Variants in AHSA1 observed in about 807,000 individuals in gnomAD.
AHSA1 encodes activator of HSP90 ATPase activity 1.
Under a neutral mutation model 46.1 loss-of-function variants are expected in AHSA1, and 14 were observed. The observed-to-expected ratio is 0.30, with a 90% CI of 0.20 to 0.47. The LOEUF (loss-of-function observed/expected upper bound fraction) is 0.47, where lower values mean the gene tolerates loss of function less well. AHSA1 is among the 20% of genes least tolerant of loss of function. The pLI, the probability that AHSA1 is intolerant of heterozygous loss-of-function variation, is 0.99. For missense variants in AHSA1, 333 were observed against 415.9 expected (o/e 0.80, Z 1.73); for synonymous variants, 147 against 145.8 (o/e 1.01, Z -0.06).
At chr14:77,458,541 A>G (rs996573170) in intron 1 of AHSA1, among the ~76,000 whole-genome samples, 1 of 152,246 alleles carries the variant, frequency 6.6e-6, no homozygotes, top group Admixed American at 6.5e-5. Context: ...TGGCTGCTGC[A>G]TCCAGCCCGA....
chr14:77,468,297 A>G, intron 7 of AHSA1, 113 bp downstream of exon 7: 2 of 1,118,758 alleles, frequency 1.8e-6, no homozygotes, highest in Non-Finnish European at 2.6e-6. Context: ...TTTGTTAATA[A>G]AACATTTTGT....
Position 77,459,676 on chromosome 14 carries a change from GC to G in AHSA1, c.142del (p.Gln48ArgfsTer11). On this transcript the variant is annotated frameshift_variant, in exon 2 of 9. Transcript: ENST00000216479. LOFTEE classifies it high-confidence loss of function. ...DKLKTLFLAV[Q>X]VQNEEGKCEV... The stretch of plus-strand genomic sequence containing the variant: ...AGCTGAAAACACTGTTCCTGGCAGT[GC>G]AGGTTCAAAATGAAGAAGGCAAGTG... 6.2e-7 allele frequency: 1 copy of G among 1,614,232 alleles called. No individual in the cohort carries two copies. The highest frequency in any genetic ancestry group is 8.5e-7 in the Non-Finnish European group (1 of 1,180,046).
intron 2 of AHSA1, among the ~76,000 whole-genome samples, chr14:77,461,808 T>C (rs1405306524): frequency 6.6e-6 from 1 of 152,196 alleles, no homozygotes; most frequent in Non-Finnish European, 1.5e-5. Context: ...ATAATCAAAT[T>C]GTTCCCTAAT....
intron 6 of AHSA1, 130 bp from the exon 7 acceptor site, chr14:77,467,953 C>T (rs555221457): frequency 2.3e-5 from 15 of 644,090 alleles, no homozygotes; most frequent in South Asian, 1.1e-4. Flanking sequence ...ACCCTGGACC[C>T]GCCTGTGGGG....
chr14:77,463,801 T>C (rs2079036535), intron 4 of AHSA1, among the ~76,000 whole-genome samples: 1 of 152,222 alleles, frequency 6.6e-6, no homozygotes, highest in African/African-American at 2.4e-5. Context: ...ATTCTGATCT[T>C]GGTGTTGGAA....
Position 77,459,619 on chromosome 14 carries a change from GGA to G in AHSA1, c.91_92del (p.Asp31CysfsTer8). 6.2e-7 allele frequency: 1 copy of G among 1,614,154 alleles called. No individual in the cohort carries two copies. The highest frequency in any genetic ancestry group is 8.5e-7 in the Non-Finnish European group (1 of 1,180,020). On this transcript the variant is annotated frameshift_variant, in exon 2 of 9. Coordinates refer to ENST00000216479, the MANE Select transcript of AHSA1 (RefSeq NM_012111.3). LOFTEE classifies it high-confidence loss of function. ...TAGCTCTGTTTCTGCTTTGCAGGAC[GGA>G]GAGAGATGCTTCAAATTGGTCCACG... ...ATNVNNWHWT[E>X]RDASNWSTDK... is the part of the protein sequence containing the mutation.
chr14:77,468,065 T>A lies in AHSA1; in HGVS notation c.691-18T>A. On this transcript the variant is annotated intron_variant, in intron 6 of 8. Transcript: ENST00000216479. ...ATCTTCTGCCTCTTTTTTTTTTTTTTTTTTTTTTTCCCTGCAGCTGGTGCA... is the reference window on the plus strand; with the variant it reads ...ATCTTCTGCCTCTTTTTTTTTTTTTATTTTTTTTTCCCTGCAGCTGGTGCA... 1 of 1,359,076 alleles carries A rather than the reference T, an allele frequency of 7.4e-7. No individual in the cohort carries two copies. The highest frequency in any genetic ancestry group is 9.6e-7 in the Non-Finnish European group (1 of 1,036,668). 84.2% of individuals were successfully genotyped at this position (1,359,076 alleles called of 1,614,324 possible).
At chr14:77,466,620 C>T (rs1299875186) in intron 6 of AHSA1, among the ~76,000 whole-genome samples, 6 of 152,204 alleles carry the variant, frequency 3.9e-5, no homozygotes, top group African/African-American at 9.7e-5. Flanking sequence ...AAAATACTCT[C>T]GTGATAAGTT....
At chr14:77,468,432 A>T in intron 7 of AHSA1, 25 bp from the exon 8 acceptor site, 1 of 1,604,656 alleles carries the variant, frequency 6.2e-7, no homozygotes, top group Non-Finnish European at 8.5e-7. Flanking sequence ...TATATAATAT[A>T]GACTGAGCTG....
In AHSA1 at chr14:77,465,639, A is replaced by C. The variant is rs769731333; in HGVS notation, c.662A>C (p.Glu221Ala). Residue 221 changes from glutamate (E) to alanine (A), a missense_variant, in exon 6 of 9, where the codon GAG becomes GCG. Coordinates refer to ENST00000216479, the MANE Select transcript of AHSA1 (RefSeq NM_012111.3). Reference protein sequence around the residue: ...LKETFLTSPEELYRVFTTQEL... With the variant: ...LKETFLTSPEALYRVFTTQEL... The stretch of plus-strand genomic sequence containing the variant: ...GAAACCTTCCTGACGTCACCAGAGG[A>C]GCTCTATAGAGTGTTTACCACCCAA... 1 of 1,613,706 alleles carries C rather than the reference A, an allele frequency of 6.2e-7. No individual in the cohort carries two copies. Among genetic ancestry groups the C allele is most frequent in the African/African-American group, 1.3e-5 (1 of 74,918 alleles).
chr14:77,460,396 T>G (rs2079016368), intron 2 of AHSA1, among the ~76,000 whole-genome samples: 1 of 149,924 alleles, frequency 6.7e-6, no homozygotes, highest in Non-Finnish European at 1.5e-5. Context: ...ACTGTCTGTG[T>G]ATGGGGCAAA....
At position 77,464,601 on chromosome 14, in the gene AHSA1, T is replaced by A. The variant is rs1485985112; in HGVS notation, c.476T>A (p.Phe159Tyr). The A allele has an allele frequency of 1.2e-6, 2 of 1,612,158 alleles. No individual in the cohort carries two copies. The highest frequency in any genetic ancestry group is 1.3e-5 in the African/African-American group (1 of 74,818). Residue 159 changes from phenylalanine (F) to tyrosine (Y), a missense_variant, in exon 5 of 9, where the codon TTC (phenylalanine) becomes TAC (tyrosine). Coordinates refer to ENST00000216479, the MANE Select transcript of AHSA1 (RefSeq NM_012111.3). The stretch of plus-strand genomic sequence containing the variant: ...AGCTGGAATTTTATCTTTTCAGAGT[T>A]CACCCAGGGCATGATCTTACCTACA... ...GIYISTLKTE[F>Y]TQGMILPTMN...
At chr14:77,461,686 T>C (rs898319460) in intron 2 of AHSA1, among the ~76,000 whole-genome samples, 2 of 152,110 alleles carry the variant, frequency 1.3e-5, no homozygotes, top group African/African-American at 4.8e-5. Flanking sequence ...GGCAGATAGG[T>C]GTTTGAGATG....
At chr14:77,463,969 T>G (rs17824298) in intron 4 of AHSA1, among the ~76,000 whole-genome samples, 8,670 of 152,372 alleles carry the variant, frequency 0.057, 432 homozygotes, top group Admixed American at 0.16. Context: ...CTGGGTAGAT[T>G]ACCCACTCTT....
intron 8 of AHSA1, 91 bp from the exon 9 acceptor site, chr14:77,468,986 G>A (rs2079061701): frequency 2.1e-6 from 3 of 1,461,438 alleles, no homozygotes; most frequent in Non-Finnish European, 2.8e-6. Flanking sequence ...GGGATTACAG[G>A]TGTGAGCCAC....
Position 77,468,071 on chromosome 14 carries a change from TTTTC to T in AHSA1, c.691-11_691-8del. On this transcript the variant is annotated splice_region_variant and splice_polypyrimidine_tract_variant and intron_variant, in intron 6 of 8. Coordinates refer to ENST00000216479, the MANE Select transcript of AHSA1 (RefSeq NM_012111.3). ...TGCCTCTTTTTTTTTTTTTTTTTTT[TTTTC>T]CCTGCAGCTGGTGCAGGCCTTTACC... The T allele has an allele frequency of 2.8e-6, 4 of 1,403,536 alleles. No homozygotes were observed. The highest frequency in any genetic ancestry group is 2.9e-5 in the Admixed American group (1 of 34,018). The allele number at this position is 1,403,536 out of a possible 1,614,324, so 86.9% of individuals were successfully genotyped here.
chr14:77,469,249 G>A lies in AHSA1; in HGVS notation c.1017G>A (p.Ter339=). Residue 339 remains the stop codon, a stop_retained_variant, in exon 9 of 9, where the codon TAG becomes TAA. Transcript: ENST00000216479. ...TTGGCTATGGCGCACGCTTATTTTAGGGCCAGCGGCAGGGGACTCCAGCCT... is the reference window on the plus strand; with the variant it reads ...TTGGCTATGGCGCACGCTTATTTTAAGGCCAGCGGCAGGGGACTCCAGCCT... The part of the protein sequence containing the change: ...QTFGYGARLF[*] The A allele has an allele frequency of 6.2e-7, 1 of 1,613,584 alleles. No homozygotes were observed. Among genetic ancestry groups the A allele is most frequent in the Non-Finnish European group, 8.5e-7 (1 of 1,179,654 alleles).
In AHSA1 at chr14:77,458,246, C is replaced by T; in HGVS notation, c.57C>T (p.Ala19=). 1.3e-6 allele frequency: 2 copies of T among 1,547,390 alleles called. No homozygotes were observed. Among genetic ancestry groups the T allele is most frequent in the African/African-American group, 1.4e-5 (1 of 72,888 alleles). The change falls in exon 1 of 9, where the codon GCC becomes GCT. Residue 19 remains alanine, a synonymous_variant. Transcript: ENST00000216479. ...PRWIVEERAD[A]TNVNNWHWTE... ...GGATCGTGGAGGAGCGGGCGGACGC[C>T]ACCAACGTCAACAACTGGCACTGGT...
chr14:77,460,572 CTTT>C (rs35050436), intron 2 of AHSA1, among the ~76,000 whole-genome samples: 7 of 144,310 alleles, frequency 4.9e-5, no homozygotes, highest in Non-Finnish European at 4.6e-5. Context: ...CTCAGACCTC[CTTT>C]TTTTTTTTTT....
Sources: allele counts gnomAD v4.1 joint callset (sites outside exome capture counted in the v4.1 genomes callset), GRCh38; gene constraint gnomAD v4.1.1; transcripts MANE v1.5; gene names NCBI Gene and HGNC (gene_info 2026-07-23, HGNC 2026-07-21).